The following ZFHX3 variants were observed in gnomAD, a reference collection of about 807,000 sequenced individuals.
ZFHX3 encodes the protein zinc finger homeobox 3, also known as zinc finger homeobox protein 3.
A neutral mutation model predicts 279.1 loss-of-function variants in ZFHX3; 42 were observed. The ratio of observed to expected loss-of-function variants is 0.15; its 90% CI spans 0.12 to 0.19. The LOEUF is 0.19. ZFHX3 is among the 10% of genes least tolerant of loss of function. The pLI is 1.00. For missense variants in ZFHX3, 4,981 were observed against 4,754.0 expected, an observed-to-expected ratio of 1.05 and a Z score of -1.40; for synonymous variants, 2,293 against 1,957.8, an observed-to-expected ratio of 1.17 and a Z score of -4.52.
chr16:73,120,486 C>G (rs888784198), intron 7 of ZFHX3, among the ~76,000 whole-genome samples: 2 of 152,000 alleles, frequency 1.3e-5, no homozygotes, highest in African/African-American at 4.8e-5. Flanking sequence ...ATTGCCCAGG[C>G]TACTCTCAAA....
chr16:73,596,180 C>T (rs1264885966), intron 2 of ZFHX3, among the ~76,000 whole-genome samples: 1 of 151,916 alleles, frequency 6.6e-6, no homozygotes, highest in Non-Finnish European at 1.5e-5. Context: ...TGCCACCACG[C>T]CCGGCTAATT....
intron 1 of ZFHX3, among the ~76,000 whole-genome samples, chr16:73,719,391 A>T (rs7205922): frequency 0.79 from 120,590 of 152,158 alleles, 49,677 homozygotes; most frequent in Middle Eastern, 0.9. Flanking sequence ...GAATCTGGTT[A>T]CACTGAATTT....
In ZFHX3 at chr16:73,483,890, GTCTTT is replaced by G. The variant is rs570310265; in HGVS notation, c.-1546-27637_-1546-27633del. Among the ~76,000 whole-genome samples the G allele has an allele frequency of 7.4e-5, 11 of 148,464 alleles. No homozygotes were observed. In the South Asian group the frequency reaches 1.9e-3, roughly 26 times the overall value. ...ACCAAGAAGAAAAGCGCAGGCGGCT[GTCTTT>G]TCTTTTCTTCCCCTGTTCCCCACCC... On this transcript the variant is annotated intron_variant, in intron 2 of 17. Transcript: ENST00000641206.
chr16:73,283,348 C>T lies in ZFHX3; in HGVS notation c.-1193-26212G>A, dbSNP rs567685004. ...AGGATGATGACCATCCCCAGGGACA[C>T]GTGTTGAGCCCTTTCCTTCACTTAA... On this transcript the variant is annotated intron_variant, in intron 4 of 17. Coordinates refer to the ZFHX3 transcript ENST00000641206. 3.7e-4 allele frequency among the ~76,000 whole-genome samples: 56 copies of T among 152,302 alleles called. No individual in the cohort carries two copies. The South Asian group carries it at 8.5e-3, about 23-fold the overall frequency.
rs1388029149 is a variant in ZFHX3 at position 73,243,225 on chromosome 16, T to G, written c.-1104+13822A>C. Reference sequence around the variant, plus strand: ...GGTTATATAGGCCTGGTGGGATGGGTGTCCCTTCGTCCACTTCATCACATA... The same window carrying G: ...GGTTATATAGGCCTGGTGGGATGGGGGTCCCTTCGTCCACTTCATCACATA... On this transcript the variant is annotated intron_variant, in intron 5 of 17. Transcript: ENST00000641206. Among the ~76,000 whole-genome samples, 3 of 152,330 alleles carry G rather than the reference T, an allele frequency of 2.0e-5. No individual in the cohort carries two copies. The East Asian group carries it at 5.8e-4, about 29-fold the overall frequency.
At chr16:73,761,938 C>G (rs1033497787) in intron 1 of ZFHX3, among the ~76,000 whole-genome samples, 2 of 152,002 alleles carry the variant, frequency 1.3e-5, no homozygotes, top group African/African-American at 4.8e-5. Flanking sequence ...AATTTCACGA[C>G]AAAGATGTCA....
chr16:72,853,820 C>CA (rs1201121073), intron 4 of ZFHX3, among the ~76,000 whole-genome samples: 3 of 151,454 alleles, frequency 2.0e-5, no homozygotes, highest in African/African-American at 7.3e-5. Flanking sequence ...TGAAGAAATC[C>CA]AAAGAGAGGA....
chr16:73,064,206 G>A (rs916421711), upstream of ZFHX3, among the ~76,000 whole-genome samples: 11 of 152,158 alleles, frequency 7.2e-5, no homozygotes, highest in Admixed American at 3.9e-4. Flanking sequence ...GGTGCGGTGA[G>A]AAGATAAGGA....
At chr16:73,119,288 G>T (rs1966468083) in intron 7 of ZFHX3, among the ~76,000 whole-genome samples, 1 of 151,982 alleles carries the variant, frequency 6.6e-6, no homozygotes, top group African/African-American at 2.4e-5. Flanking sequence ...AACAATTTTT[G>T]TAGAGATGGG....
intron 4 of ZFHX3, among the ~76,000 whole-genome samples, chr16:73,299,454 G>A (rs114432219): frequency 2.6e-5 from 4 of 152,294 alleles, no homozygotes; most frequent in African/African-American, 2.4e-5. Context: ...CAACACTGGG[G>A]AAGCAGGGGT....
intron 8 of ZFHX3, among the ~76,000 whole-genome samples, chr16:73,074,546 G>T (rs1965863315): frequency 6.6e-6 from 1 of 152,208 alleles, no homozygotes; most frequent in Non-Finnish European, 1.5e-5. Context: ...GGTACTCAGT[G>T]CTGTACCCAT....
chr16:73,462,052 G>C (rs969360125), intron 2 of ZFHX3, among the ~76,000 whole-genome samples: 4 of 152,038 alleles, frequency 2.6e-5, no homozygotes, highest in African/African-American at 9.7e-5. Context: ...TCAGCACTTT[G>C]CAGTTTTCAA....
intron 4 of ZFHX3, among the ~76,000 whole-genome samples, chr16:73,300,660 T>G (rs751593612): frequency 1.3e-5 from 2 of 152,244 alleles, no homozygotes; most frequent in East Asian, 3.9e-4. Flanking sequence ...CCTGCCACCA[T>G]GCCCGGCTAA....
intron 3 of ZFHX3, among the ~76,000 whole-genome samples, chr16:72,929,929 G>A (rs564074602): frequency 2.6e-3 from 397 of 152,344 alleles, no homozygotes; most frequent in Non-Finnish European, 4.9e-3. Context: ...ACTTAAAAAA[G>A]AAAACAGGCT....
chr16:73,010,276 C>A (rs8045532), intron 1 of ZFHX3, among the ~76,000 whole-genome samples: 1,542 of 152,284 alleles, frequency 0.01, 28 homozygotes, highest in African/African-American at 0.036. Flanking sequence ...ACCTGCATCG[C>A]CCGTGTGCCA....
intron 3 of ZFHX3, among the ~76,000 whole-genome samples, chr16:73,335,328 C>T (rs1274195242): frequency 3.3e-5 from 5 of 152,174 alleles, no homozygotes; most frequent in Admixed American, 3.3e-4. Context: ...TAAACAAACA[C>T]TGGAGTGAAT....
At chr16:73,500,858 G>A (rs1409923632) in intron 2 of ZFHX3, among the ~76,000 whole-genome samples, 1 of 152,100 alleles carries the variant, frequency 6.6e-6, no homozygotes, top group African/African-American at 2.4e-5. Context: ...ATTGAAGAAA[G>A]AATACTGAAA....
At chr16:73,181,326 C>T (rs1459242402) in intron 5 of ZFHX3, among the ~76,000 whole-genome samples, 1 of 151,960 alleles carries the variant, frequency 6.6e-6, no homozygotes, top group East Asian at 1.9e-4. Context: ...TCCTGACCCA[C>T]TGATCTGCCT....
chr16:73,312,121 A>T (rs1597278405), intron 4 of ZFHX3, among the ~76,000 whole-genome samples: 1 of 152,250 alleles, frequency 6.6e-6, no homozygotes, highest in Admixed American at 6.5e-5. Flanking sequence ...CAAAATAAGG[A>T]GCTTGAAATT....
Sources: gnomAD v4.1 joint callset for allele counts (sites outside exome capture counted in the v4.1 genomes callset) on GRCh38, gnomAD v4.1.1 for gene constraint, MANE v1.5 for transcripts, NCBI Gene and HGNC (gene_info 2026-07-23, HGNC 2026-07-21) for gene names.